Variants in NAP1L4 observed in about 807,000 individuals in gnomAD.
NAP1L4 encodes the protein nucleosome assembly protein 1 like 4.
NAP1L4 carries 15 observed loss-of-function variants against 58.2 expected under a neutral mutation model. The observed-to-expected ratio is 0.26, with a 90% CI of 0.17 to 0.40. NAP1L4 has a LOEUF of 0.40. Ranked by LOEUF, NAP1L4 falls within the 10% of genes least tolerant of loss-of-function variation. The pLI is 1.00. For synonymous variants in NAP1L4, 171 were observed against 155.6 expected, an observed-to-expected ratio of 1.10 and a Z score of -0.74; for missense variants, 384 against 451.1, an observed-to-expected ratio of 0.85 and a Z score of 1.35.
Position 2,954,372 on chromosome 11 carries a change from C to T in NAP1L4, c.1035+155G>A. 3.7e-6 allele frequency: 4 copies of T among 1,089,344 alleles called. No homozygotes were observed. The highest frequency in any genetic ancestry group is 2.0e-4 in the Middle Eastern group (1 of 5,104). The allele number at this position is 1,089,344 out of a possible 1,614,324, so 67.5% of individuals were successfully genotyped here. ...AGACTTCTCCTCTTCAAGCGTATTCCCCCCACAACAAGGACAGCAGCTTGG... is the reference window on the plus strand; with the variant it reads ...AGACTTCTCCTCTTCAAGCGTATTCTCCCCACAACAAGGACAGCAGCTTGG... On this transcript the variant is annotated intron_variant, in intron 12 of 15. Coordinates refer to ENST00000380542, the MANE Select transcript of NAP1L4 (RefSeq NM_005969.4). This position sits in a 1 kb window ranked among gnomAD's most constrained non-coding sequence, Gnocchi z 4.8.
chr11:2,991,531 C>T (rs1429676413), intron 1 of NAP1L4, among the ~76,000 whole-genome samples: 1 of 151,990 alleles, frequency 6.6e-6, no homozygotes. Flanking sequence ...GAAACCAAGT[C>T]CCGTGAGTAA....
intron 1 of NAP1L4, among the ~76,000 whole-genome samples, chr11:2,981,114 TG>T (rs1226271295): frequency 2.6e-5 from 4 of 151,806 alleles, no homozygotes; most frequent in Non-Finnish European, 5.9e-5. Flanking sequence ...GGTGTGAACC[TG>T]TAGTCCCAGC....
chr11:2,945,697 C>T, intron 15 of NAP1L4, 51 bp from the exon 16 acceptor site: 1 of 1,411,670 alleles, frequency 7.1e-7, no homozygotes, highest in Non-Finnish European at 9.6e-7. Flanking sequence ...GCTCCATTCA[C>T]CAATTAGCTC....
Position 2,954,397 on chromosome 11 carries a change from G to T in NAP1L4, c.1035+130C>A, listed in dbSNP as rs1846406422. 1 of 1,305,282 alleles carries T rather than the reference G, an allele frequency of 7.7e-7. No homozygotes were observed. The highest frequency in any genetic ancestry group is 1.2e-5 in the South Asian group (1 of 80,984). 80.9% of individuals were successfully genotyped at this position (1,305,282 alleles called of 1,614,324 possible). A position where few individuals can be genotyped will look rare whatever the true frequency, so the allele number is the denominator to read the frequency against. On this transcript the variant is annotated intron_variant, in intron 12 of 15. Transcript: ENST00000380542. This position sits in a 1 kb window ranked among gnomAD's most constrained non-coding sequence, Gnocchi z 4.8. ...CCCCCACAACAAGGACAGCAGCTTG[G>T]ACTACATATCTGGCTGATGATGTAA... is the stretch of plus-strand genomic sequence containing the variant.
chr11:2,987,458 T>A (rs1848699690), intron 1 of NAP1L4, among the ~76,000 whole-genome samples: 1 of 151,124 alleles, frequency 6.6e-6, no homozygotes, highest in Non-Finnish European at 1.5e-5. Flanking sequence ...ATGATAATGT[T>A]TAAAAGCAAT....
chr11:2,962,825 G>T (rs996313377), intron 8 of NAP1L4, among the ~76,000 whole-genome samples: 2 of 152,068 alleles, frequency 1.3e-5, no homozygotes, highest in South Asian at 2.1e-4. Context: ...AAAGAGGCCG[G>T]GTGTGGTGGC....
At chr11:2,953,786 G>A (rs1251395204) in intron 12 of NAP1L4, among the ~76,000 whole-genome samples, 1 of 152,196 alleles carries the variant, frequency 6.6e-6, no homozygotes, top group Admixed American at 6.5e-5. Context: ...AGCTCTTGCC[G>A]CCCTGTCTGA....
chr11:2,952,518 G>C (rs760056993), intron 12 of NAP1L4: 1 of 127,894 alleles, frequency 7.8e-6, no homozygotes, highest in South Asian at 3.1e-4. Flanking sequence ...CCATTTTGTT[G>C]AGCTCACACC....
At chr11:2,962,237 T>C (rs554211862) in intron 8 of NAP1L4, among the ~76,000 whole-genome samples, 11 of 152,384 alleles carry the variant, frequency 7.2e-5, no homozygotes, top group African/African-American at 2.6e-4. Context: ...CTGATCATAA[T>C]GCAACAATTT....
chr11:2,959,651 T>C lies in NAP1L4; in HGVS notation c.746+119A>G, dbSNP rs1846741480. 1 of 1,204,680 alleles carries C rather than the reference T, an allele frequency of 8.3e-7. No homozygotes were observed. The highest frequency in any genetic ancestry group is 2.4e-5 in the East Asian group (1 of 41,022). 74.6% of individuals were successfully genotyped at this position (1,204,680 alleles called of 1,614,324 possible). A position where few individuals can be genotyped will look rare whatever the true frequency, so the allele number is the denominator to read the frequency against. ...TTGAAATATACATCTACCAGGCTTT[T>C]AGGCTTTTAAGCAGACTCAAGACTG... On this transcript the variant is annotated intron_variant, in intron 9 of 15. Coordinates refer to ENST00000380542, the MANE Select transcript of NAP1L4 (RefSeq NM_005969.4). This position sits in a 1 kb window ranked among gnomAD's most constrained non-coding sequence, Gnocchi z 4.9.
intron 1 of NAP1L4, chr11:2,991,195 G>GTCCCCTTT (rs1564995793): frequency 2.2e-6 from 1 of 454,716 alleles, no homozygotes; most frequent in Non-Finnish European, 4.4e-6. Context: ...CAAGGCTGGA[G>GTCCCCTTT]TCCCCTTTAC....
chr11:2,950,459 C>CA (rs1247471445), intron 14 of NAP1L4, among the ~76,000 whole-genome samples: 1 of 152,020 alleles, frequency 6.6e-6, no homozygotes, highest in Non-Finnish European at 1.5e-5. Flanking sequence ...TAAAAACAAG[C>CA]AAAAAACGTC....
intron 8 of NAP1L4, among the ~76,000 whole-genome samples, 181 bp downstream of exon 8, chr11:2,964,499 G>A (rs986649380): frequency 7.9e-5 from 12 of 152,184 alleles, no homozygotes; most frequent in Admixed American, 7.9e-4. Flanking sequence ...ATCGAACTCA[G>A]GGAGCAAACA....
At chr11:2,970,683 T>C (rs1847586126) in intron 6 of NAP1L4, among the ~76,000 whole-genome samples, 1 of 152,114 alleles carries the variant, frequency 6.6e-6, no homozygotes, top group African/African-American at 2.4e-5. Flanking sequence ...GATGAAATGA[T>C]CTTGAAATGA....
chr11:2,970,588 G>A (rs1847580933), intron 6 of NAP1L4, among the ~76,000 whole-genome samples: 1 of 152,108 alleles, frequency 6.6e-6, no homozygotes, highest in South Asian at 2.1e-4. Context: ...CAGGCCCCAG[G>A]GAAAAGGTAG....
intron 15 of NAP1L4, 94 bp from the exon 16 acceptor site, chr11:2,945,740 T>G: frequency 9.7e-7 from 1 of 1,026,554 alleles, no homozygotes; most frequent in Non-Finnish European, 1.4e-6. Context: ...CTGAATGAGT[T>G]CATTCTCATT....
At chr11:2,988,348 T>C (rs1225265589) in intron 1 of NAP1L4, among the ~76,000 whole-genome samples, 1 of 152,154 alleles carries the variant, frequency 6.6e-6, no homozygotes, top group Non-Finnish European at 1.5e-5. Context: ...CTCTACCTAT[T>C]TCATATTGCA....
Position 2,969,906 on chromosome 11 carries a change from G to T in NAP1L4, c.431C>A (p.Thr144Lys). Residue 144 changes from threonine (T) to lysine (K), a missense_variant, in exon 7 of 16, where the codon ACA (threonine) becomes AAA (lysine). By Grantham distance (78) the Thr-to-Lys change is moderately conservative. Transcript: ENST00000380542. ...AGDMKSKVVV[T>K]EKAAATAEEP... is the part of the protein sequence containing the mutation. ...TTCAGCCGTTGCCGCTGCTTTTTCT[G>T]TGACGACTACTTTACTTTTCATGTC... The T allele has an allele frequency of 1.2e-6, 2 of 1,613,496 alleles. No individual in the cohort carries two copies. Among genetic ancestry groups the T allele is most frequent in the South Asian group, 1.1e-5 (1 of 90,926 alleles).
chr11:2,980,579 G>T (rs977919601), intron 1 of NAP1L4, among the ~76,000 whole-genome samples: 2 of 152,186 alleles, frequency 1.3e-5, no homozygotes, highest in East Asian at 1.9e-4. Context: ...TACAGGTGTG[G>T]TTACGAAGTT....
Sources: allele counts gnomAD v4.1 joint callset (sites outside exome capture counted in the v4.1 genomes callset), GRCh38; gene constraint gnomAD v4.1.1; non-coding constraint Gnocchi (gnomAD v3.1); transcripts MANE v1.5; gene names NCBI Gene and HGNC (gene_info 2026-07-23, HGNC 2026-07-21).